ACOX3: variants seen among roughly 807,000 people sequenced by gnomAD.
ACOX3 encodes the protein acyl-CoA oxidase 3, pristanoyl.
A neutral mutation model predicts 81.5 loss-of-function variants in ACOX3; 73 were observed. The ratio of observed to expected loss-of-function variants is 0.90; its 90% CI spans 0.74 to 1.09. The LOEUF (loss-of-function observed/expected upper bound fraction) is 1.09, where lower values mean the gene tolerates loss of function less well. ACOX3 is among the 50% of genes least tolerant of loss of function. The probability of loss-of-function intolerance (pLI) is 0.00; values close to 1 mark genes in which losing one functional copy is unlikely to be tolerated. For missense variants in ACOX3, 947 were observed against 928.0 expected, an observed-to-expected ratio of 1.02 and a Z score of -0.27; for synonymous variants, 387 against 375.1, an observed-to-expected ratio of 1.03 and a Z score of -0.37.
At chr4:8,364,673 A>G (rs1479093100), downstream of ACOX3, among the ~76,000 whole-genome samples, 1 of 152,272 alleles carries the variant, frequency 6.6e-6, no homozygotes, top group Non-Finnish European at 1.5e-5. The surrounding 1 kb of genome is among the most constrained non-coding windows in gnomAD (Gnocchi z 5.0). Flanking sequence ...CCCGTCATAT[A>G]TGACACCGAA....
In ACOX3 at chr4:8,407,133, C is replaced by G. The variant is rs1244155548; in HGVS notation, c.688-1090G>C. 1.3e-5 allele frequency among the ~76,000 whole-genome samples: 2 copies of G among 152,222 alleles called. No individual in the cohort carries two copies. The highest frequency in any genetic ancestry group is 2.9e-5 in the Non-Finnish European group (2 of 68,034). On this transcript the variant is annotated intron_variant, in intron 6 of 17. Coordinates refer to ENST00000356406, the MANE Select transcript of ACOX3 (RefSeq NM_003501.3). This position sits in a 1 kb window ranked among gnomAD's most constrained non-coding sequence, Gnocchi z 4.6. The stretch of plus-strand genomic sequence containing the variant: ...GGCCCTGTCTGGGCATAACAGAAGG[C>G]TCGTACTCTTGTCTTCTGGTCACTC...
At chr4:8,383,996 C>T (rs978053692) in intron 13 of ACOX3, among the ~76,000 whole-genome samples, 9 of 152,246 alleles carry the variant, frequency 5.9e-5, no homozygotes, top group South Asian at 4.1e-4. Context: ...TGTCCCACCA[C>T]GCATCAGCCA....
intron 9 of ACOX3, among the ~76,000 whole-genome samples, chr4:8,395,909 G>A (rs2108885044): frequency 6.6e-6 from 1 of 152,370 alleles, no homozygotes; most frequent in East Asian, 1.9e-4. Context: ...AGCTTGGCCT[G>A]GGACCTGGGC....
Position 8,416,131 on chromosome 4 carries a change from A to C in ACOX3, c.145-132T>G. The C allele has an allele frequency of 9.8e-7, 1 of 1,023,032 alleles. No homozygotes were observed. Among genetic ancestry groups the C allele is most frequent in the Non-Finnish European group, 1.4e-6 (1 of 691,000 alleles). The allele number at this position is 1,023,032 out of a possible 1,614,324, so 63.4% of individuals were successfully genotyped here. A position where few individuals can be genotyped will look rare whatever the true frequency, so the allele number is the denominator to read the frequency against. On this transcript the variant is annotated intron_variant, in intron 2 of 17. Transcript: ENST00000356406. This position sits in a 1 kb window ranked among gnomAD's most constrained non-coding sequence, Gnocchi z 4.2. The stretch of plus-strand genomic sequence containing the variant: ...GACCCGGAGACACCCAGACAGAGAT[A>C]TGACTATCATTCCCAATGGACTAGA...
chr4:8,409,370 G>T (rs1293303634), intron 6 of ACOX3, among the ~76,000 whole-genome samples: 1 of 151,956 alleles, frequency 6.6e-6, no homozygotes, highest in Non-Finnish European at 1.5e-5. Flanking sequence ...CTGTGGGCAG[G>T]GCTGTCTGCA....
chr4:8,358,606 A>G, the ACOX3 span, among the ~76,000 whole-genome samples: 1 of 152,208 alleles, frequency 6.6e-6, no homozygotes, highest in East Asian at 1.9e-4. Context: ...CAGGTCTTAA[A>G]GACCTTGCTG....
At chr4:8,408,890 C>CGGGGGGG (rs1721338931) in intron 6 of ACOX3, among the ~76,000 whole-genome samples, 1 of 43,922 alleles carries the variant, frequency 2.3e-5, no homozygotes, top group African/African-American at 2.1e-4. Flanking sequence ...TGAGCCCTCA[C>CGGGGGGG]TGGGGGGGGG....
the ACOX3 span, chr4:8,356,864 C>G: frequency 4.4e-6 from 2 of 455,602 alleles, no homozygotes; most frequent in South Asian, 1.6e-5. Context: ...ACGGTGCACA[C>G]TAACATGATC....
In ACOX3 at chr4:8,368,179, A is replaced by G. The variant is rs533723225; in HGVS notation, c.1984-1099T>C. Among the ~76,000 whole-genome samples, 24 of 152,130 alleles carry G rather than the reference A, an allele frequency of 1.6e-4. No homozygotes were observed. The highest frequency in any genetic ancestry group is 2.8e-4 in the Non-Finnish European group (19 of 68,024). ...AGGATGCCCTCGCCGAGTGGCCCTT[A>G]CTGGCTGATTTCTGGACCTGGGCCA... On this transcript the variant is annotated intron_variant, in intron 17 of 17. Transcript: ENST00000356406. This position sits in a 1 kb window ranked among gnomAD's most constrained non-coding sequence, Gnocchi z 5.9.
At position 8,384,506 on chromosome 4, in the gene ACOX3, T is replaced by C. The variant is rs1056540586; in HGVS notation, c.1538-2899A>G. On this transcript the variant is annotated intron_variant, in intron 13 of 17. Coordinates refer to ENST00000356406, the MANE Select transcript of ACOX3 (RefSeq NM_003501.3). This position sits in a 1 kb window ranked among gnomAD's most constrained non-coding sequence, Gnocchi z 5.3. Reference sequence around the variant, plus strand: ...ACACACCCAGCGTCAACAACCTCTGTCCTCAAGACTCTCCCAGAATCCTGG... The same window carrying C: ...ACACACCCAGCGTCAACAACCTCTGCCCTCAAGACTCTCCCAGAATCCTGG... 6.6e-6 allele frequency among the ~76,000 whole-genome samples: 1 copy of C among 152,138 alleles called. No individual in the cohort carries two copies. The highest frequency in any genetic ancestry group is 2.4e-5 in the African/African-American group (1 of 41,432).
At position 8,400,567 on chromosome 4, in the gene ACOX3, T is replaced by C. The variant is rs1422408932; in HGVS notation, c.777-915A>G. The stretch of plus-strand genomic sequence containing the variant: ...ACACATTGTTATGGATCATGATGTA[T>C]TAATAACCAAAGATACCTGTTATGG... On this transcript the variant is annotated intron_variant, in intron 7 of 17. Transcript: ENST00000356406. The surrounding 1 kb of genome is among the most constrained non-coding windows in gnomAD (Gnocchi z 4.4). Among the ~76,000 whole-genome samples, 2 of 152,202 alleles carry C rather than the reference T, an allele frequency of 1.3e-5. No individual in the cohort carries two copies. The highest frequency in any genetic ancestry group is 1.5e-5 in the Non-Finnish European group (1 of 68,044).
chr4:8,363,952 G>T (rs1715285656), downstream of ACOX3, among the ~76,000 whole-genome samples: 1 of 152,120 alleles, frequency 6.6e-6, no homozygotes, highest in Non-Finnish European at 1.5e-5. Context: ...CCATAAAAAT[G>T]GGCAACCAGC....
chr4:8,407,543 C>T lies in ACOX3; in HGVS notation c.688-1500G>A, dbSNP rs573783866. 1.1e-4 allele frequency among the ~76,000 whole-genome samples: 17 copies of T among 152,314 alleles called. No homozygotes were observed. Among genetic ancestry groups the T allele is most frequent in the African/African-American group, 3.1e-4 (13 of 41,570 alleles). Reference sequence around the variant, plus strand: ...GTTGGGAGAATACGTTATGCTGTTTCGAGCGCCCTGCTTTGTGGTGCTTTG... The same window carrying T: ...GTTGGGAGAATACGTTATGCTGTTTTGAGCGCCCTGCTTTGTGGTGCTTTG... On this transcript the variant is annotated intron_variant, in intron 6 of 17. Transcript: ENST00000356406. The surrounding 1 kb of genome is among the most constrained non-coding windows in gnomAD (Gnocchi z 4.6).
At chr4:8,438,434 CT>C (rs1381526817) in intron 1 of ACOX3, among the ~76,000 whole-genome samples, 1 of 152,170 alleles carries the variant, frequency 6.6e-6, no homozygotes, top group Non-Finnish European at 1.5e-5. Context: ...TAAAATCAGG[CT>C]TTTGCCTATG....
At chr4:8,365,575 T>C (rs1369644502), downstream of ACOX3, among the ~76,000 whole-genome samples, 1 of 152,028 alleles carries the variant, frequency 6.6e-6, no homozygotes, top group Non-Finnish European at 1.5e-5. Flanking sequence ...TTGGGACCAG[T>C]CTCCTCTCTG....
At chr4:8,413,995 C>T (rs1722066138) in intron 5 of ACOX3, among the ~76,000 whole-genome samples, 1 of 152,158 alleles carries the variant, frequency 6.6e-6, no homozygotes, top group South Asian at 2.1e-4. Flanking sequence ...GCCAGGTAAA[C>T]AAGGCAATAA....
Position 8,386,490 on chromosome 4 carries a change from T to C in ACOX3, c.1537+2683A>G, listed in dbSNP as rs975781275. Among the ~76,000 whole-genome samples the C allele has an allele frequency of 1.0e-4, 15 of 146,332 alleles. No individual in the cohort carries two copies. The highest frequency in any genetic ancestry group is 2.8e-4 in the Admixed American group (4 of 14,250). On this transcript the variant is annotated intron_variant, in intron 13 of 17. Coordinates refer to ENST00000356406, the MANE Select transcript of ACOX3 (RefSeq NM_003501.3). This position sits in a 1 kb window ranked among gnomAD's most constrained non-coding sequence, Gnocchi z 5.2. ...CTGAGGCAGGAGAATGGCGAGAACC[T>C]GGGAGGTGGAGCTTGCAGTGAGCCG...
chr4:8,391,589 T>C (rs142986073), intron 11 of ACOX3, among the ~76,000 whole-genome samples: 153 of 152,336 alleles, frequency 1.0e-3, no homozygotes, highest in African/African-American at 3.6e-3. Context: ...AATAACAGCA[T>C]TAGCAAATAA....
intron 14 of ACOX3, among the ~76,000 whole-genome samples, chr4:8,380,595 C>T (rs1424353235): frequency 6.6e-6 from 1 of 152,168 alleles, no homozygotes; most frequent in Non-Finnish European, 1.5e-5. Context: ...GCCTGAGGGG[C>T]GGGGCTGCCC....
Sources: allele counts gnomAD v4.1 joint callset (sites outside exome capture counted in the v4.1 genomes callset), GRCh38; gene constraint gnomAD v4.1.1; non-coding constraint Gnocchi (gnomAD v3.1); transcripts MANE v1.5; gene names NCBI Gene and HGNC (gene_info 2026-07-23, HGNC 2026-07-21).